Variants in CRHR1 observed in about 807,000 individuals in gnomAD.
CRHR1 encodes the protein corticotropin-releasing hormone receptor 1.
CRHR1 carries 28 observed loss-of-function variants against 56.0 expected under a neutral mutation model. That is an observed-to-expected ratio of 0.50 (90% CI 0.37 to 0.69). CRHR1 has a LOEUF of 0.69. CRHR1 is among the 30% of genes least tolerant of loss of function. The probability of loss-of-function intolerance (pLI) is 0.00; values close to 1 mark genes in which losing one functional copy is unlikely to be tolerated. For missense variants in CRHR1, 376 were observed against 548.0 expected (o/e 0.69, Z 3.13); for synonymous variants, 195 against 216.5 (o/e 0.90, Z 0.87).
intron 1 of CRHR1, among the ~76,000 whole-genome samples, chr17:45,799,059 G>A (rs1027220830): frequency 1.3e-5 from 2 of 152,220 alleles, no homozygotes; most frequent in African/African-American, 4.8e-5. Context: ...GAGAAGCCTG[G>A]GCAGTCAAGA....
intron 1 of CRHR1, among the ~76,000 whole-genome samples, chr17:45,806,165 G>A (rs1368375996): frequency 1.3e-5 from 2 of 152,222 alleles, no homozygotes; most frequent in Non-Finnish European, 2.9e-5. Context: ...CGGGAGGGGG[G>A]TAATGCGATG....
At chr17:45,803,571 G>A (rs898978260) in intron 1 of CRHR1, among the ~76,000 whole-genome samples, 1 of 152,096 alleles carries the variant, frequency 6.6e-6, no homozygotes, top group Non-Finnish European at 1.5e-5. Flanking sequence ...TTTTAGTAGA[G>A]ATGGGGGTTT....
At chr17:45,829,560 G>T (rs1286609604) in intron 5 of CRHR1, 4 of 1,549,038 alleles carry the variant, frequency 2.6e-6, no homozygotes, top group Non-Finnish European at 3.5e-6. Context: ...CCCATACCCA[G>T]GCCAGGCTGC....
chr17:45,824,679 C>T (rs557942124), intron 4 of CRHR1, among the ~76,000 whole-genome samples: 19 of 152,310 alleles, frequency 1.2e-4, no homozygotes, highest in African/African-American at 4.1e-4. Context: ...GGGAATAGCA[C>T]GGACCTTAGG....
intron 3 of CRHR1, among the ~76,000 whole-genome samples, chr17:45,821,108 GATC>G (rs2062030086): frequency 6.6e-6 from 1 of 152,252 alleles, no homozygotes; most frequent in South Asian, 2.1e-4. Flanking sequence ...CTGTGGGCAT[GATC>G]ATGCCAGCTT....
intron 3 of CRHR1, among the ~76,000 whole-genome samples, chr17:45,820,839 G>A (rs780985997): frequency 2.6e-5 from 4 of 152,120 alleles, no homozygotes; most frequent in South Asian, 2.1e-4. Context: ...GACCTCCCAC[G>A]GCAGCCTCTG....
intron 4 of CRHR1, among the ~76,000 whole-genome samples, chr17:45,828,611 C>A (rs539999736): frequency 6.6e-6 from 1 of 152,314 alleles, no homozygotes; most frequent in African/African-American, 2.4e-5. Context: ...CCCCTTGGGC[C>A]AGGGATGGGG....
chr17:45,784,621 C>T lies in CRHR1; in HGVS notation c.33+44C>T. The T allele has an allele frequency of 6.5e-7, 1 of 1,529,350 alleles. No homozygotes were observed. Among genetic ancestry groups the T allele is most frequent in the African/African-American group, 1.4e-5 (1 of 71,246 alleles). The allele number at this position is 1,529,350 out of a possible 1,614,324, so 94.7% of individuals were successfully genotyped here. On this transcript the variant is annotated intron_variant, in intron 1 of 12. Transcript: ENST00000314537. The surrounding 1 kb of genome is among the most constrained non-coding windows in gnomAD (Gnocchi z 4.2). ...TCCCTCGAGCGCTGGCGCCCCCGGC[C>T]CCTGGCGGACGCGGGACGGGGCTGG...
Position 45,784,853 on chromosome 17 carries a change from C to A in CRHR1, c.33+276C>A, listed in dbSNP as rs1007000803. On this transcript the variant is annotated intron_variant, in intron 1 of 12. Coordinates refer to ENST00000314537, the MANE Select transcript of CRHR1 (RefSeq NM_004382.5). The surrounding 1 kb of genome is among the most constrained non-coding windows in gnomAD (Gnocchi z 4.2). ...CCCACCCGGGTAGCCGGCTCCGCGC[C>A]AAGAATCGCTCTAGGCTCTCGGGCA... 2.6e-5 allele frequency among the ~76,000 whole-genome samples: 4 copies of A among 152,170 alleles called. No homozygotes were observed. The highest frequency in any genetic ancestry group is 9.6e-5 in the African/African-American group (4 of 41,452).
At chr17:45,803,753 A>AGT (rs1401971662) in intron 1 of CRHR1, among the ~76,000 whole-genome samples, 2 of 75,296 alleles carry the variant, frequency 2.7e-5, no homozygotes, top group South Asian at 1.3e-3. Flanking sequence ...TGAGAGAGAG[A>AGT]GTGCGTGTGT....
rs574034446 is a variant in CRHR1, at chr17:45,795,760, G to A, written c.33+11183G>A. The stretch of plus-strand genomic sequence containing the variant: ...TGGGATTTTCTGTCTCCCAGGTCAG[G>A]TGTCAAGCACTGTCTGGAAATTCTG... On this transcript the variant is annotated intron_variant, in intron 1 of 12. Transcript: ENST00000314537. Among the ~76,000 whole-genome samples, 14 of 152,308 alleles carry A rather than the reference G, an allele frequency of 9.2e-5. No homozygotes were observed. The South Asian group carries it at 2.9e-3, about 32-fold the overall frequency.
rs2062242708 is a variant in CRHR1 at position 45,829,475 on chromosome 17, C to G, written c.434+154C>G. On this transcript the variant is annotated intron_variant, in intron 5 of 12. Coordinates refer to ENST00000314537, the MANE Select transcript of CRHR1 (RefSeq NM_004382.5). ...CTGAGAGTCTCAGGTCTCTGGGAAC[C>G]TCTGGCAGAGCCGCTCTGCCCTCTC... 12 of 1,405,858 alleles carry G rather than the reference C, an allele frequency of 8.5e-6. No homozygotes were observed. The South Asian group carries it at 1.4e-4, about 17-fold the overall frequency. 87.1% of individuals were successfully genotyped at this position (1,405,858 alleles called of 1,614,324 possible). A position where few individuals can be genotyped will look rare whatever the true frequency, so the allele number is the denominator to read the frequency against.
At chr17:45,809,740 C>T (rs1368021877) in intron 2 of CRHR1, among the ~76,000 whole-genome samples, 1 of 152,244 alleles carries the variant, frequency 6.6e-6, no homozygotes, top group Non-Finnish European at 1.5e-5. Flanking sequence ...GGCACCGAGC[C>T]AGGGCCTTTG....
intron 3 of CRHR1, 97 bp from the exon 4 acceptor site, chr17:45,821,258 G>C: frequency 9.2e-7 from 1 of 1,090,890 alleles, no homozygotes; most frequent in Non-Finnish European, 1.4e-6. Context: ...GCCTGTACTG[G>C]CCATCTACAG....
Position 45,834,804 on chromosome 17 carries a change from G to T in CRHR1, c.*40G>T. The T allele has an allele frequency of 6.2e-7, 1 of 1,610,808 alleles. No homozygotes were observed. Among genetic ancestry groups the T allele is most frequent in the Non-Finnish European group, 8.5e-7 (1 of 1,178,608 alleles). On this transcript the variant is annotated 3_prime_UTR_variant, in exon 13 of 13. Transcript: ENST00000314537. ...GAGCAGCCCCCAAAGAGCTGTGGCT[G>T]GGGGGATGACGGCCAGGCTCCCTGA...
At chr17:45,797,484 GTTT>G (rs2061543474) in intron 1 of CRHR1, among the ~76,000 whole-genome samples, 2 of 151,786 alleles carry the variant, frequency 1.3e-5, no homozygotes, top group South Asian at 4.2e-4. Flanking sequence ...TAGAGACGGG[GTTT>G]CACTGTGGTC....
chr17:45,806,205 G>A (rs1403297367), intron 1 of CRHR1, among the ~76,000 whole-genome samples: 1 of 152,176 alleles, frequency 6.6e-6, no homozygotes, highest in African/African-American at 2.4e-5. Context: ...TTGAAGAAGG[G>A]GCAGCCCTCC....
intron 4 of CRHR1, among the ~76,000 whole-genome samples, chr17:45,825,190 G>A (rs894970281): frequency 3.3e-5 from 5 of 152,204 alleles, no homozygotes; most frequent in Non-Finnish European, 1.5e-5. Context: ...ATTCGCAGAA[G>A]TCTGCCTGTG....
intron 4 of CRHR1, among the ~76,000 whole-genome samples, chr17:45,822,061 G>T (rs577298856): frequency 6.6e-6 from 1 of 150,946 alleles, no homozygotes; most frequent in Non-Finnish European, 1.5e-5. Context: ...GACATTCTCC[G>T]CATACACGAG....
Sources: gnomAD v4.1 joint callset for allele counts (sites outside exome capture counted in the v4.1 genomes callset) on GRCh38, gnomAD v4.1.1 for gene constraint, Gnocchi (gnomAD v3.1) non-coding constraint, MANE v1.5 for transcripts, NCBI Gene and HGNC (gene_info 2026-07-23, HGNC 2026-07-21) for gene names.